Variants in EDA observed in about 807,000 individuals in gnomAD.
The protein encoded by EDA is ectodysplasin-A.
Under a neutral mutation model 23.6 loss-of-function variants are expected in EDA, and 2 were observed. That is an observed-to-expected ratio of 0.08 (90% CI 0.03 to 0.27). The LOEUF is 0.27. Ranked by LOEUF, EDA falls within the 10% of genes least tolerant of loss-of-function variation. The probability of loss-of-function intolerance (pLI) is 1.00; values close to 1 mark genes in which losing one functional copy is unlikely to be tolerated. For missense variants in EDA, 229 were observed against 324.2 expected, an observed-to-expected ratio of 0.71 and a Z score of 2.26; for synonymous variants, 131 against 132.0, an observed-to-expected ratio of 0.99 and a Z score of 0.05.
chrX:69,643,835 G>C (rs1046329626), intron 1 of EDA, among the ~76,000 whole-genome samples: 3 of 111,764 alleles, frequency 2.7e-5, no homozygotes, highest in Admixed American at 9.5e-5. Flanking sequence ...TGGCTAGCCA[G>C]TTCTCCCAGC....
intron 1 of EDA, among the ~76,000 whole-genome samples, chrX:69,666,205 TG>T (rs771825184): frequency 8.9e-6 from 1 of 112,516 alleles, no homozygotes; most frequent in African/African-American, 3.2e-5. Context: ...TTTATGGACT[TG>T]GGGTTTTTTA....
At position 69,937,078 on chromosome X, in the gene EDA, A is replaced by T. The variant is rs2018684779; in HGVS notation, c.397-19949A>T. ...GGGGGGAAGGGACTGTCTGTTGTTC[A>T]AAGGATTCAACCAGAGATAAAACCT... is the stretch of plus-strand genomic sequence containing the variant. On this transcript the variant is annotated intron_variant, in intron 1 of 7. Coordinates refer to ENST00000374552, the MANE Select transcript of EDA (RefSeq NM_001399.5). 32 of 655,443 alleles carry T rather than the reference A, an allele frequency of 4.9e-5. No homozygotes were observed. In the South Asian group the frequency reaches 8.5e-4, roughly 17 times the overall value. The allele number at this position is 655,443 out of a possible 1,213,427, so 54.0% of individuals were successfully genotyped here.
intron 1 of EDA, among the ~76,000 whole-genome samples, chrX:69,710,483 T>C (rs2011949786): frequency 9.0e-6 from 1 of 111,505 alleles, no homozygotes; most frequent in Non-Finnish European, 1.9e-5. Context: ...ATGCGGGCTC[T>C]TTTTTGGTTC....
At chrX:69,684,246 G>A (rs1934472072) in intron 1 of EDA, among the ~76,000 whole-genome samples, 1 of 111,655 alleles carries the variant, frequency 9.0e-6, no homozygotes, top group South Asian at 3.8e-4. Context: ...AAGGCTCATC[G>A]AATAGTAGGA....
At chrX:69,715,135 T>C (rs2012274359) in intron 1 of EDA, among the ~76,000 whole-genome samples, 1 of 106,324 alleles carries the variant, frequency 9.4e-6, no homozygotes, top group Non-Finnish European at 1.9e-5. Context: ...AGGTTTGTTA[T>C]ACAGGTAAAC....
At chrX:69,711,672 C>G (rs2012047500) in intron 1 of EDA, among the ~76,000 whole-genome samples, 1 of 111,275 alleles carries the variant, frequency 9.0e-6, no homozygotes, top group African/African-American at 3.3e-5. Flanking sequence ...AATTTCAGAT[C>G]CTGTTATTGG....
At chrX:69,671,847 T>C (rs763419361) in intron 1 of EDA, among the ~76,000 whole-genome samples, 2 of 112,298 alleles carry the variant, frequency 1.8e-5, no homozygotes, top group South Asian at 7.4e-4. Flanking sequence ...TCTTTGGCCA[T>C]CTTGCTAATG....
At chrX:69,860,821 T>C in intron 1 of EDA, 1 of 520,948 alleles carries the variant, frequency 1.9e-6, no homozygotes, top group Non-Finnish European at 3.5e-6. Context: ...TGAAATATGT[T>C]TTCCAAGTTG....
At chrX:69,634,360 G>A (rs765882167) in intron 1 of EDA, among the ~76,000 whole-genome samples, 66 of 111,241 alleles carry the variant, frequency 5.9e-4, no homozygotes, top group African/African-American at 2.0e-3. Context: ...TTGCCCAGGC[G>A]GGAGTGCGGT....
intron 1 of EDA, among the ~76,000 whole-genome samples, chrX:69,925,800 G>C (rs867280382): frequency 2.2e-5 from 1 of 45,926 alleles, no homozygotes; most frequent in Non-Finnish European, 5.5e-5. Flanking sequence ...TTTTTTTTTT[G>C]GTTGGTAGTC....
intron 1 of EDA, among the ~76,000 whole-genome samples, chrX:69,770,250 T>C (rs1002105231): frequency 1.8e-5 from 2 of 112,030 alleles, no homozygotes; most frequent in African/African-American, 6.5e-5. Flanking sequence ...GGATTATTGC[T>C]CAAGAGTGCA....
At chrX:69,751,759 T>A (rs1350109106) in intron 1 of EDA, among the ~76,000 whole-genome samples, 1 of 111,310 alleles carries the variant, frequency 9.0e-6, no homozygotes, top group African/African-American at 3.3e-5. Context: ...GTAAGTCGGA[T>A]TCCTAGGTAT....
chrX:69,710,812 A>C (rs1448970410), intron 1 of EDA, among the ~76,000 whole-genome samples: 2 of 108,906 alleles, frequency 1.8e-5, no homozygotes, highest in Non-Finnish European at 3.8e-5. Context: ...TTGGTGTATA[A>C]GAATGCTTGT....
chrX:69,926,136 T>C (rs1426447044), intron 1 of EDA, among the ~76,000 whole-genome samples: 2 of 109,693 alleles, frequency 1.8e-5, no homozygotes, highest in Non-Finnish European at 3.8e-5. Flanking sequence ...TTTTGGAGGG[T>C]TTTTTGTGTA....
intron 1 of EDA, among the ~76,000 whole-genome samples, chrX:69,841,618 T>C (rs2016896956): frequency 8.9e-6 from 1 of 111,939 alleles, no homozygotes. Context: ...CCCAAAGTGC[T>C]GGGATTACAG....
At chrX:69,793,564 G>GTTT (rs1362047098) in intron 1 of EDA, among the ~76,000 whole-genome samples, 20 of 32,864 alleles carry the variant, frequency 6.1e-4, no homozygotes, top group African/African-American at 3.4e-3. Flanking sequence ...TTGTTTGTTT[G>GTTT]TTTTTGTTTT....
intron 1 of EDA, among the ~76,000 whole-genome samples, chrX:69,661,113 T>C (rs1411697115): frequency 9.1e-6 from 1 of 110,168 alleles, no homozygotes; most frequent in Non-Finnish European, 1.9e-5. Flanking sequence ...TGAGCATTTT[T>C]TCATGTGTTT....
intron 1 of EDA, among the ~76,000 whole-genome samples, chrX:69,926,411 T>C (rs1015464856): frequency 8.9e-6 from 1 of 111,827 alleles, no homozygotes; most frequent in African/African-American, 3.3e-5. Flanking sequence ...AATTTCATCA[T>C]TTACCCAGGA....
Position 69,801,504 on chromosome X carries a change from A to T in EDA, c.397-155523A>T, listed in dbSNP as rs764916114. ...TCTTAAGATAAACTGAGGATCACTC[A>T]TAAGAAGTTTATAAATTTGACACAT... is the stretch of plus-strand genomic sequence containing the variant. On this transcript the variant is annotated intron_variant, in intron 1 of 7. Transcript: ENST00000374552. Among the ~76,000 whole-genome samples, 12 of 111,647 alleles carry T rather than the reference A, an allele frequency of 1.1e-4. No individual in the cohort carries two copies. In the East Asian group the frequency reaches 3.4e-3, roughly 31 times the overall value.
Sources: allele counts gnomAD v4.1 joint callset (sites outside exome capture counted in the v4.1 genomes callset), GRCh38; gene constraint gnomAD v4.1.1; transcripts MANE v1.5; gene names NCBI Gene and HGNC (gene_info 2026-07-23, HGNC 2026-07-21).